Variants in TBC1D8B observed in about 807,000 individuals in gnomAD.
The protein encoded by TBC1D8B is RP11-321G1.1.
Under a neutral mutation model 82.9 loss-of-function variants are expected in TBC1D8B, and 75 were observed. That is an observed-to-expected ratio of 0.90 (90% CI 0.75 to 1.10). TBC1D8B has a LOEUF of 1.10. Among genes scored for constraint, TBC1D8B ranks in the 50% least tolerant of loss-of-function variants. TBC1D8B has a pLI of 0.00. For missense variants in TBC1D8B, 794 were observed against 796.9 expected (o/e 1.00, Z 0.04); for synonymous variants, 276 against 276.8 (o/e 1.00, Z 0.03).
At chrX:106,843,054 C>T (rs2147754617) in intron 10 of TBC1D8B, among the ~76,000 whole-genome samples, 1 of 111,529 alleles carries the variant, frequency 9.0e-6, no homozygotes, top group South Asian at 3.7e-4. Flanking sequence ...AATAATATTC[C>T]ATTATATGGA....
intron 14 of TBC1D8B, among the ~76,000 whole-genome samples, chrX:106,855,969 C>G (rs750074794): frequency 1.8e-5 from 2 of 111,722 alleles, no homozygotes; most frequent in Admixed American, 1.9e-4. Flanking sequence ...CCTGGGAGTT[C>G]CAGGCTACAG....
chrX:106,868,817 A>C (rs1195700225), intron 18 of TBC1D8B, among the ~76,000 whole-genome samples: 4 of 112,301 alleles, frequency 3.6e-5, no homozygotes, highest in African/African-American at 1.3e-4. Flanking sequence ...TTTTTCAAAC[A>C]GTGAATACTT....
chrX:106,808,460 G>A (rs999547259), intron 1 of TBC1D8B, among the ~76,000 whole-genome samples: 2 of 111,934 alleles, frequency 1.8e-5, no homozygotes, highest in African/African-American at 6.5e-5. Context: ...TCCCCATGTT[G>A]TATATAGAAA....
At chrX:106,818,384 A>AT in intron 1 of TBC1D8B, 1 of 214,219 alleles carries the variant, frequency 4.7e-6, no homozygotes, top group Non-Finnish European at 8.4e-6. Flanking sequence ...CAACCTTATG[A>AT]ACGAGATACA....
chrX:106,828,782 G>A (rs1291798478), intron 7 of TBC1D8B: 1 of 109,197 alleles, frequency 9.2e-6, no homozygotes, highest in Non-Finnish European at 1.9e-5. Flanking sequence ...GGTATTGATG[G>A]GACATATCTC....
intron 14 of TBC1D8B, among the ~76,000 whole-genome samples, chrX:106,864,507 G>A (rs1271031165): frequency 9.5e-6 from 1 of 104,898 alleles, no homozygotes; most frequent in Admixed American, 1.0e-4. Flanking sequence ...TCCCATGCTG[G>A]GCACCTTTTT....
At chrX:106,827,852 T>C (rs1191217323) in intron 7 of TBC1D8B, 1 of 111,154 alleles carries the variant, frequency 9.0e-6, no homozygotes, top group Non-Finnish European at 1.9e-5. Flanking sequence ...AGATCCAAAA[T>C]TGACACCCTA....
intron 1 of TBC1D8B, among the ~76,000 whole-genome samples, chrX:106,811,586 G>C (rs1402460597): frequency 1.8e-5 from 2 of 111,687 alleles, no homozygotes; most frequent in African/African-American, 6.5e-5. Flanking sequence ...TATAATATTA[G>C]TTGCTCTCTT....
Position 106,827,447 on chromosome X carries a change from T to A in TBC1D8B, c.1203+110T>A. On this transcript the variant is annotated intron_variant, in intron 7 of 20. Transcript: ENST00000357242. ...CCTTTCCTATTTATGCCCAGGGGTT[T>A]TTTTTAAAGATAGAATCTAAGAAAT... The A allele has an allele frequency of 3.6e-6, 3 of 840,349 alleles. No homozygotes were observed. The South Asian group carries it at 7.8e-5, about 22-fold the overall frequency. 69.3% of individuals were successfully genotyped at this position (840,349 alleles called of 1,213,427 possible).
chrX:106,857,203 A>G (rs1373851873), intron 14 of TBC1D8B, among the ~76,000 whole-genome samples: 1 of 110,905 alleles, frequency 9.0e-6, no homozygotes, highest in Non-Finnish European at 1.9e-5. Flanking sequence ...CCCAGGCTGG[A>G]GTGCAGTGGC....
intron 18 of TBC1D8B, 49 bp from the exon 19 acceptor site, chrX:106,869,436 G>A: frequency 9.2e-7 from 1 of 1,088,671 alleles, no homozygotes; most frequent in Admixed American, 2.2e-5. Flanking sequence ...TGCTTTCAAA[G>A]AGTATTTGTT....
chrX:106,875,706 CAT>C lies in TBC1D8B; in HGVS notation c.*1742_*1743del, dbSNP rs1452868408. ...ATACTGAAGTAGCTCTAGAAAGACA[CAT>C]GTATACAAGGCACTATTGTACACAC... On this transcript the variant is annotated 3_prime_UTR_variant, in exon 21 of 21. Coordinates refer to ENST00000357242, the MANE Select transcript of TBC1D8B (RefSeq NM_017752.3). The C allele has an allele frequency of 1.8e-5, 2 of 111,895 alleles. No individual in the cohort carries two copies. The highest frequency in any genetic ancestry group is 6.5e-5 in the African/African-American group (2 of 30,829). 9.2% of individuals were successfully genotyped at this position (111,895 alleles called of 1,213,427 possible).
In TBC1D8B at chrX:106,820,867, T is replaced by C; in HGVS notation, c.242-10T>C. The stretch of plus-strand genomic sequence containing the variant: ...CCTTAAGTGTTTTATTTTCTTGTGT[T>C]ATTAATCAGGAGCCAACAGAGAAGA... On this transcript the variant is annotated splice_polypyrimidine_tract_variant and intron_variant, in intron 2 of 20. Coordinates refer to ENST00000357242, the MANE Select transcript of TBC1D8B (RefSeq NM_017752.3). The C allele has an allele frequency of 8.9e-7, 1 of 1,126,263 alleles. No individual in the cohort carries two copies. Among genetic ancestry groups the C allele is most frequent in the Admixed American group, 2.5e-5 (1 of 39,369 alleles). 92.8% of individuals were successfully genotyped at this position (1,126,263 alleles called of 1,213,427 possible). A position where few individuals can be genotyped will look rare whatever the true frequency, so the allele number is the denominator to read the frequency against.
Position 106,854,298 on chromosome X carries a change from T to G in TBC1D8B, c.2352+2T>G. 8.7e-7 allele frequency: 1 copy of G among 1,149,215 alleles called. No individual in the cohort carries two copies. The highest frequency in any genetic ancestry group is 1.2e-6 in the Non-Finnish European group (1 of 860,407). The allele number at this position is 1,149,215 out of a possible 1,213,427, so 94.7% of individuals were successfully genotyped here. ...GAGGAAACAACAAAACAGAATGTGG[T>G]AAGTATGCAACCAATGAGGAAAAAC... On this transcript the variant is annotated splice_donor_variant, in intron 14 of 20. Coordinates refer to ENST00000357242, the MANE Select transcript of TBC1D8B (RefSeq NM_017752.3). LOFTEE classifies it high-confidence loss of function.
intron 7 of TBC1D8B, among the ~76,000 whole-genome samples, chrX:106,835,997 G>T (rs1457182252): frequency 8.9e-6 from 1 of 111,969 alleles, no homozygotes; most frequent in Non-Finnish European, 1.9e-5. Context: ...CAGTTCCAAA[G>T]TTGCTTCCAC....
chrX:106,848,649 G>C lies in TBC1D8B; in HGVS notation c.1837+346G>C. ...TATCCACAGCTACTGGTGAATTTTT[G>C]TAGTTTTTTGATGGGAGGGAGATTT... On this transcript the variant is annotated intron_variant, in intron 11 of 20. Transcript: ENST00000357242. 2.7e-5 allele frequency among the ~76,000 whole-genome samples: 3 copies of C among 111,650 alleles called. No individual in the cohort carries two copies. The Middle Eastern group carries it at 0.014, about 515-fold the overall frequency.
At chrX:106,864,512 CTTTTTT>C (rs771983121) in intron 14 of TBC1D8B, among the ~76,000 whole-genome samples, 1 of 82,487 alleles carries the variant, frequency 1.2e-5, no homozygotes, top group East Asian at 3.8e-4. Context: ...TGCTGGGCAC[CTTTTTT>C]TTTTTTTTTT....
At chrX:106,805,958 A>G (rs1382116471) in intron 1 of TBC1D8B, among the ~76,000 whole-genome samples, 1 of 112,652 alleles carries the variant, frequency 8.9e-6, no homozygotes, top group African/African-American at 3.2e-5. Context: ...TGAAGAAATG[A>G]TAATGATCAT....
chrX:106,851,958 T>C (rs1932595067), intron 12 of TBC1D8B, among the ~76,000 whole-genome samples: 1 of 110,063 alleles, frequency 9.1e-6, no homozygotes, highest in South Asian at 4.0e-4. Flanking sequence ...TCAAATGGTA[T>C]TTCTAGTTCT....
Sources: gnomAD v4.1 joint callset for allele counts (sites outside exome capture counted in the v4.1 genomes callset) on GRCh38, gnomAD v4.1.1 for gene constraint, MANE v1.5 for transcripts, NCBI Gene and HGNC (gene_info 2026-07-23, HGNC 2026-07-21) for gene names.